MAPRE2: variants seen among roughly 807,000 people sequenced by gnomAD.
The protein encoded by MAPRE2 is microtubule associated protein RP/EB family member 2.
In MAPRE2, 13 loss-of-function variants were observed where a neutral mutation model predicts 43.2. The ratio of observed to expected loss-of-function variants is 0.30; its 90% CI spans 0.20 to 0.48. The LOEUF is 0.48. Ranked by LOEUF, MAPRE2 falls within the 20% of genes least tolerant of loss-of-function variation. The pLI is 0.99. For synonymous variants in MAPRE2, 135 were observed against 148.8 expected (o/e 0.91, Z 0.68); for missense variants, 161 against 400.2 (o/e 0.40, Z 5.10).
At chr18:34,985,371 A>AATATATTATATTATATATATAATATAAT (rs2097019693) in intron 1 of MAPRE2, among the ~76,000 whole-genome samples, 10 of 38,742 alleles carry the variant, frequency 2.6e-4, no homozygotes, top group Non-Finnish European at 3.8e-4. Flanking sequence ...TATAATATAT[A>AATATATTATATTATATATATAATATAAT]ATATATTATT....
At position 35,135,330 on chromosome 18, in the gene MAPRE2, TC is replaced by T. The variant is rs1347336154; in HGVS notation, c.909+3142del. On this transcript the variant is annotated intron_variant, in intron 6 of 6. Coordinates refer to ENST00000300249, the MANE Select transcript of MAPRE2 (RefSeq NM_014268.4). ...GATGCCGTGCTGGGTGCTTTCCATA[TC>T]CTGTGCATGCATGACTCTGCCGAGA... 5.3e-5 allele frequency among the ~76,000 whole-genome samples: 8 copies of T among 152,240 alleles called. No homozygotes were observed. In the South Asian group the frequency reaches 1.7e-3, roughly 32 times the overall value.
intron 2 of MAPRE2, among the ~76,000 whole-genome samples, chr18:35,024,177 G>A (rs567502805): frequency 3.7e-4 from 57 of 152,326 alleles, no homozygotes; most frequent in Non-Finnish European, 4.7e-4. Flanking sequence ...GTGCCCAAGT[G>A]TTATTGCATT....
At chr18:35,024,028 G>T (rs1332547400) in intron 2 of MAPRE2, among the ~76,000 whole-genome samples, 1 of 151,970 alleles carries the variant, frequency 6.6e-6, no homozygotes, top group Admixed American at 6.6e-5. Flanking sequence ...ACCACCGTAG[G>T]GCACAGTAAA....
Position 35,140,327 on chromosome 18 carries a change from G to A in MAPRE2, c.942G>A (p.Glu314=), listed in dbSNP as rs1264766409. 5.0e-6 allele frequency: 8 copies of A among 1,613,772 alleles called. No homozygotes were observed. The highest frequency in any genetic ancestry group is 2.7e-5 in the African/African-American group (2 of 74,912). Residue 314 remains glutamate, a synonymous_variant, in exon 7 of 7, where the codon GAG becomes GAA. Transcript: ENST00000300249. ...EGHTEEPEAE[E]QAHEQQPPQQ... ...ACACAGAAGAGCCGGAAGCAGAGGA[G>A]CAAGCCCACGAACAGCAGCCCCCGC...
Position 35,131,806 on chromosome 18 carries a change from C to T in MAPRE2, c.751-226C>T, listed in dbSNP as rs545894858. On this transcript the variant is annotated intron_variant, in intron 5 of 6. Coordinates refer to ENST00000300249, the MANE Select transcript of MAPRE2 (RefSeq NM_014268.4). Reference sequence around the variant, plus strand: ...GACCACTCTGTCCCTGGTTAATAAACGCTCAGTTGCCTGAAGGGAATGACC... The same window carrying T: ...GACCACTCTGTCCCTGGTTAATAAATGCTCAGTTGCCTGAAGGGAATGACC... 321 of 522,350 alleles carry T rather than the reference C, an allele frequency of 6.1e-4. 5 individuals carry two copies. Among genetic ancestry groups the T allele is most frequent in the South Asian group, 5.3e-3 (207 of 39,338 alleles). The allele number at this position is 522,350 out of a possible 1,614,324, so 32.4% of individuals were successfully genotyped here.
At chr18:35,033,176 G>C (rs1185256597) in intron 2 of MAPRE2, among the ~76,000 whole-genome samples, 5 of 152,078 alleles carry the variant, frequency 3.3e-5, no homozygotes, top group Admixed American at 6.6e-5. Context: ...GATCAAGTGG[G>C]CTTCATTCCT....
Position 35,140,554 on chromosome 18 carries a change from G to T in MAPRE2, c.*185G>T. ...ATTTTCTTTGCCAAGGTGTATTAGC[G>T]GACGGCCCTCTGGCCACCTACCCGA... On this transcript the variant is annotated 3_prime_UTR_variant, in exon 7 of 7. Coordinates refer to ENST00000300249, the MANE Select transcript of MAPRE2 (RefSeq NM_014268.4). The T allele has an allele frequency of 1.7e-6, 1 of 605,022 alleles. No individual in the cohort carries two copies. Among genetic ancestry groups the T allele is most frequent in the Non-Finnish European group, 2.9e-6 (1 of 348,776 alleles). The allele number at this position is 605,022 out of a possible 1,614,324, so 37.5% of individuals were successfully genotyped here. A position where few individuals can be genotyped will look rare whatever the true frequency, so the allele number is the denominator to read the frequency against.
At chr18:35,032,526 T>C (rs1177808111) in intron 2 of MAPRE2, among the ~76,000 whole-genome samples, 1 of 152,194 alleles carries the variant, frequency 6.6e-6, no homozygotes, top group Admixed American at 6.5e-5. Context: ...TGATGATTTC[T>C]GTCAATACAG....
intron 2 of MAPRE2, among the ~76,000 whole-genome samples, chr18:35,087,387 A>G (rs1022202772): frequency 6.6e-6 from 1 of 152,184 alleles, no homozygotes; most frequent in Non-Finnish European, 1.5e-5. Flanking sequence ...AGCATCCTAC[A>G]ATTTGGGTTG....
At chr18:35,023,922 T>C (rs914125874) in intron 2 of MAPRE2, among the ~76,000 whole-genome samples, 1 of 152,188 alleles carries the variant, frequency 6.6e-6, no homozygotes. Flanking sequence ...TTTTACTATA[T>C]TGTCAAATAT....
chr18:35,076,390 G>A (rs1292004609), intron 2 of MAPRE2, among the ~76,000 whole-genome samples: 2 of 152,200 alleles, frequency 1.3e-5, no homozygotes, highest in Admixed American at 6.5e-5. Context: ...AGGGACATAG[G>A]GAGTCAGTAG....
In MAPRE2 at chr18:35,041,656, C is replaced by T; in HGVS notation, c.117C>T (p.Ser39=). 6.2e-7 allele frequency: 1 copy of T among 1,614,216 alleles called. No individual in the cohort carries two copies. Among genetic ancestry groups the T allele is most frequent in the Non-Finnish European group, 8.5e-7 (1 of 1,180,040 alleles). Residue 39 remains serine (S), a synonymous_variant, in exon 1 of 7, where the codon TCC becomes TCT. Coordinates refer to ENST00000300249, the MANE Select transcript of MAPRE2 (RefSeq NM_014268.4). The part of the protein sequence containing the change: ...FRKHTVRGER[S]YSWGMAVNVY... ...AGCACACAGTGCGCGGGGAGCGTTC[C>T]TACAGGTAATGGGGCTGGCACGAGA...
chr18:35,043,653 C>A (rs1905475583), intron 1 of MAPRE2, among the ~76,000 whole-genome samples: 1 of 152,142 alleles, frequency 6.6e-6, no homozygotes, highest in African/African-American at 2.4e-5. Flanking sequence ...TGAACAAATT[C>A]TTAAGTCCCT....
chr18:34,997,274 C>T (rs58169728), intron 1 of MAPRE2, among the ~76,000 whole-genome samples: 1 of 152,106 alleles, frequency 6.6e-6, no homozygotes, highest in African/African-American at 2.4e-5. Flanking sequence ...ACTTTATGGA[C>T]AAAATCTTAT....
intron 2 of MAPRE2, among the ~76,000 whole-genome samples, chr18:35,025,208 G>A (rs2150589547): frequency 6.6e-6 from 1 of 152,312 alleles, no homozygotes; most frequent in East Asian, 1.9e-4. Context: ...GAATGTGGAA[G>A]GAGGCCACTT....
Position 35,024,868 on chromosome 18 carries a change from G to A in MAPRE2, c.-8+19315G>A, listed in dbSNP as rs145026981. ...GCTGCTTGTTTTCTTTCTCCATGTT[G>A]TGAGTAGCTATTAATACAATGATGA... On this transcript the variant is annotated intron_variant, in intron 2 of 7. Coordinates refer to the MAPRE2 transcript ENST00000413393. Among the ~76,000 whole-genome samples the A allele has an allele frequency of 1.8e-4, 27 of 152,214 alleles. No individual in the cohort carries two copies. In the East Asian group the frequency reaches 5.2e-3, roughly 29 times the overall value.
intron 4 of MAPRE2, among the ~76,000 whole-genome samples, chr18:35,108,465 A>G (rs895772699): frequency 6.6e-6 from 1 of 152,230 alleles, no homozygotes; most frequent in South Asian, 2.1e-4. Flanking sequence ...AGAATGATTT[A>G]TATTCCTTTG....
chr18:35,051,666 G>C (rs1027178866), intron 1 of MAPRE2, among the ~76,000 whole-genome samples: 11 of 152,140 alleles, frequency 7.2e-5, no homozygotes, highest in Admixed American at 2.0e-4. Context: ...GAGGCAGTGA[G>C]GTATAGTGGG....
chr18:35,111,696 T>G lies in MAPRE2; in HGVS notation c.610+9537T>G, dbSNP rs1161015569. Among the ~76,000 whole-genome samples the G allele has an allele frequency of 2.0e-5, 3 of 152,232 alleles. No homozygotes were observed. In the East Asian group the frequency reaches 5.8e-4, roughly 29 times the overall value. On this transcript the variant is annotated intron_variant, in intron 4 of 6. Coordinates refer to ENST00000300249, the MANE Select transcript of MAPRE2 (RefSeq NM_014268.4). ...GCCTGTCTGTGCCTTTATGCAAGAC[T>G]TCGTTTTCCTTATTATTGCAAAGTG...
Sources: gnomAD v4.1 joint callset for allele counts (sites outside exome capture counted in the v4.1 genomes callset) on GRCh38, gnomAD v4.1.1 for gene constraint, MANE v1.5 for transcripts, NCBI Gene and HGNC (gene_info 2026-07-23, HGNC 2026-07-21) for gene names.